TES: variants seen among roughly 807,000 people sequenced by gnomAD.
TES encodes testin.
TES carries 41 observed loss-of-function variants against 48.2 expected under a neutral mutation model. That is an observed-to-expected ratio of 0.85 (90% confidence interval 0.66 to 1.10). The LOEUF (loss-of-function observed/expected upper bound fraction) is 1.10, where lower values mean the gene tolerates loss of function less well. TES is among the 50% of genes least tolerant of loss of function. The pLI, the probability that TES is intolerant of heterozygous loss-of-function variation, is 0.00. For synonymous variants in TES, 162 were observed against 174.9 expected, an observed-to-expected ratio of 0.93 and a Z score of 0.58; for missense variants, 463 against 515.1, an observed-to-expected ratio of 0.90 and a Z score of 0.98.
In TES at chr7:116,229,706, G is replaced by A. The variant is rs1222736311; in HGVS notation, c.28-4828G>A. Among the ~76,000 whole-genome samples, 3 of 152,182 alleles carry A rather than the reference G, an allele frequency of 2.0e-5. No homozygotes were observed. In the East Asian group the frequency reaches 5.8e-4, roughly 29 times the overall value. The stretch of plus-strand genomic sequence containing the variant: ...GAATAGCAGATGATTAGATGCCTCA[G>A]TTGGAAGAAATTTGCCTCACACTGG... On this transcript the variant is annotated intron_variant, in intron 1 of 6. Coordinates refer to ENST00000358204, the MANE Select transcript of TES (RefSeq NM_015641.4).
At chr7:116,255,570 C>A (rs1013739620) in intron 6 of TES, among the ~76,000 whole-genome samples, 2 of 152,138 alleles carry the variant, frequency 1.3e-5, no homozygotes, top group African/African-American at 4.8e-5. Flanking sequence ...TTCTTAATTT[C>A]ATGTGTAATT....
intron 2 of TES, among the ~76,000 whole-genome samples, chr7:116,246,690 T>C (rs571310064): frequency 3.3e-5 from 5 of 152,244 alleles, no homozygotes; most frequent in Admixed American, 2.0e-4. Flanking sequence ...TTTTCTTTCC[T>C]TTTCTCCTCC....
intron 2 of TES, chr7:116,239,336 A>G (rs1046218233): frequency 2.6e-5 from 4 of 152,194 alleles, no homozygotes; most frequent in African/African-American, 9.6e-5. Context: ...TGCCATATAA[A>G]AGTAACATAA....
chr7:116,238,670 C>T (rs533644037), intron 2 of TES, among the ~76,000 whole-genome samples: 40 of 151,790 alleles, frequency 2.6e-4, no homozygotes, highest in Non-Finnish European at 5.2e-4. Flanking sequence ...GGTGCGATCT[C>T]GGCTCACTGC....
rs1221870249 is a variant in TES, at chr7:116,248,586, C to G, written c.114-434C>G. On this transcript the variant is annotated intron_variant, in intron 2 of 6. Coordinates refer to ENST00000358204, the MANE Select transcript of TES (RefSeq NM_015641.4). ...TATTTTTTGGCCATATGTATATCTT[C>G]TTTTGAGAAATATCTGTTCATGTCC... Among the ~76,000 whole-genome samples, 7 of 152,214 alleles carry G rather than the reference C, an allele frequency of 4.6e-5. 1 individual carries two copies. Among genetic ancestry groups the G allele is most frequent in the Admixed American group, 3.9e-4 (6 of 15,296 alleles).
intron 6 of TES, chr7:116,252,795 A>G: frequency 2.7e-6 from 1 of 375,310 alleles, no homozygotes; most frequent in Non-Finnish European, 5.1e-6. Context: ...ATTCCATTTC[A>G]ATAAAGGTGT....
intron 1 of TES, chr7:116,217,853 A>G (rs929966969): frequency 4.6e-5 from 24 of 516,528 alleles, no homozygotes; most frequent in African/African-American, 4.4e-4. Flanking sequence ...GGTTTTGTCA[A>G]TTTTCAGTTC....
intron 1 of TES, among the ~76,000 whole-genome samples, chr7:116,212,012 C>CT (rs1294886130): frequency 1.3e-5 from 2 of 152,066 alleles, no homozygotes; most frequent in Admixed American, 1.3e-4. Context: ...CATTTGGTTT[C>CT]TTTCTTTTTT....
At position 116,249,005 on chromosome 7, in the gene TES, T is replaced by C. The variant is rs978126884; in HGVS notation, c.114-15T>C. 3 of 1,560,060 alleles carry C rather than the reference T, an allele frequency of 1.9e-6. No homozygotes were observed. The highest frequency in any genetic ancestry group is 2.6e-6 in the Non-Finnish European group (3 of 1,156,216). ...GGTACAATTAATCATTTTCTACTTA[T>C]TTTCAAAATTATAGAAAAATATGTC... On this transcript the variant is annotated splice_polypyrimidine_tract_variant and intron_variant, in intron 2 of 6. Transcript: ENST00000358204.
At chr7:116,220,849 G>A (rs955829684) in intron 1 of TES, among the ~76,000 whole-genome samples, 4 of 152,138 alleles carry the variant, frequency 2.6e-5, no homozygotes, top group Admixed American at 1.3e-4. Context: ...ACCTCACAGG[G>A]TTGTAAGGAT....
At chr7:116,221,829 G>A (rs1173232165) in intron 1 of TES, among the ~76,000 whole-genome samples, 2 of 152,124 alleles carry the variant, frequency 1.3e-5, no homozygotes, top group Non-Finnish European at 2.9e-5. Context: ...AAATTAACAT[G>A]CAACTGCAAT....
At chr7:116,220,890 A>G (rs185232414) in intron 1 of TES, among the ~76,000 whole-genome samples, 53 of 152,306 alleles carry the variant, frequency 3.5e-4, no homozygotes, top group African/African-American at 1.2e-3. Context: ...AGCACAAAGT[A>G]TGGTGCCTAC....
chr7:116,257,286 C>A lies in TES; in HGVS notation c.1078-8C>A. On this transcript the variant is annotated splice_polypyrimidine_tract_variant and splice_region_variant and intron_variant, in intron 6 of 6. Transcript: ENST00000358204. ...CTCACCCTCTTCTCTTGTATTATTT[C>A]TTAATAGGTGTGTCAAGGATGCCAC... is the stretch of plus-strand genomic sequence containing the variant. The A allele has an allele frequency of 6.3e-7, 1 of 1,597,400 alleles. No individual in the cohort carries two copies. The highest frequency in any genetic ancestry group is 8.5e-7 in the Non-Finnish European group (1 of 1,171,674).
intron 1 of TES, among the ~76,000 whole-genome samples, chr7:116,224,337 G>A (rs547218951): frequency 1.3e-5 from 2 of 152,270 alleles, no homozygotes; most frequent in South Asian, 4.1e-4. Context: ...ATACAGAGGT[G>A]TTCCATTATG....
At chr7:116,214,142 ACT>A (rs1217884959) in intron 1 of TES, among the ~76,000 whole-genome samples, 1 of 151,566 alleles carries the variant, frequency 6.6e-6, no homozygotes, top group Non-Finnish European at 1.5e-5. Context: ...TTTTCTTAAG[ACT>A]CTTATTTCTT....
intron 1 of TES, among the ~76,000 whole-genome samples, chr7:116,216,076 C>G (rs1173393501): frequency 6.6e-6 from 1 of 152,136 alleles, no homozygotes; most frequent in East Asian, 1.9e-4. Flanking sequence ...CGATCAACAT[C>G]ATAGACCATC....
intron 1 of TES, 118 bp downstream of exon 1, chr7:116,210,852 C>G (rs951647762): frequency 6.8e-5 from 65 of 958,834 alleles, no homozygotes; most frequent in Non-Finnish European, 8.2e-5. Flanking sequence ...GAGCCCGGCT[C>G]TGGGTCTGCG....
rs1382160006 is a variant in TES, at chr7:116,258,532, T to C, written c.*1050T>C. On this transcript the variant is annotated 3_prime_UTR_variant, in exon 7 of 7. Transcript: ENST00000358204. ...ACCCAGAGACTATGATTTATATTGA[T>C]TGCACTTGCCTGCCATGATTTAGAT... The C allele has an allele frequency of 6.6e-6, 1 of 152,286 alleles. No homozygotes were observed. Among genetic ancestry groups the C allele is most frequent in the Non-Finnish European group, 1.5e-5 (1 of 68,010 alleles). The allele number at this position is 152,286 out of a possible 1,614,324, so 9.4% of individuals were successfully genotyped here.
intron 1 of TES, among the ~76,000 whole-genome samples, chr7:116,231,692 A>T (rs1474003080): frequency 6.6e-6 from 1 of 152,198 alleles, no homozygotes; most frequent in Non-Finnish European, 1.5e-5. Flanking sequence ...GTAAGGACCA[A>T]GGTTTTATCA....
Sources: gnomAD v4.1 joint callset for allele counts (sites outside exome capture counted in the v4.1 genomes callset) on GRCh38, gnomAD v4.1.1 for gene constraint, MANE v1.5 for transcripts, NCBI Gene and HGNC (gene_info 2026-07-23, HGNC 2026-07-21) for gene names.